The following PARP3 variants were observed in gnomAD, a reference collection of about 807,000 sequenced individuals.
PARP3 encodes the protein poly(ADP-ribose) polymerase family member 3, also known as protein mono-ADP-ribosyltransferase PARP3.
Under a neutral mutation model 58.2 loss-of-function variants are expected in PARP3, and 46 were observed. The ratio of observed to expected loss-of-function variants is 0.79; its 90% CI spans 0.62 to 1.01. PARP3 has a LOEUF of 1.01. Among genes scored for constraint, PARP3 ranks in the 50% least tolerant of loss-of-function variants. The probability of loss-of-function intolerance (pLI) is 0.00; values close to 1 mark genes in which losing one functional copy is unlikely to be tolerated. For synonymous variants in PARP3, 252 were observed against 266.4 expected, an observed-to-expected ratio of 0.95 and a Z score of 0.53; for missense variants, 663 against 683.9, an observed-to-expected ratio of 0.97 and a Z score of 0.34.
At position 51,944,956 on chromosome 3, in the gene PARP3, A is replaced by T. The variant is rs575783672; in HGVS notation, c.635-42A>T. The T allele has an allele frequency of 6.2e-7, 1 of 1,612,890 alleles. No individual in the cohort carries two copies. Among genetic ancestry groups the T allele is most frequent in the Admixed American group, 1.7e-5 (1 of 59,994 alleles). On this transcript the variant is annotated intron_variant, in intron 5 of 10. Coordinates refer to ENST00000398755, the MANE Select transcript of PARP3 (RefSeq NM_001003931.4). This position sits in a 1 kb window ranked among gnomAD's most constrained non-coding sequence, Gnocchi z 4.2. The stretch of plus-strand genomic sequence containing the variant: ...AGGGTGGCAGGGGCCTCAGGGTGGC[A>T]GGGCTGTGGGGCTGAGTCTCCCCAC...
chr3:51,945,493 A>T lies in PARP3; in HGVS notation c.862-2A>T, dbSNP rs780577814. The T allele has an allele frequency of 3.7e-6, 6 of 1,613,154 alleles. No individual in the cohort carries two copies. The Admixed American group carries it at 1.0e-4, about 27-fold the overall frequency. ...ACAAACTGCCAGGGCCCATCATCCT[A>T]GGTGCTGGCGGACATCGAGCTGGCC... On this transcript the variant is annotated splice_acceptor_variant, in intron 6 of 10. Coordinates refer to ENST00000398755, the MANE Select transcript of PARP3 (RefSeq NM_001003931.4). LOFTEE classifies it high-confidence loss of function.
rs780025809 is a variant in PARP3 at position 51,943,391 on chromosome 3, G to A, written c.36G>A (p.Glu12=). Reference sequence around the variant, plus strand: ...AGCCGAAGCCCTGGGTACAGACTGAGGGCCCTGAGAAGAAGAAGGGCCGGC... The same window carrying A: ...AGCCGAAGCCCTGGGTACAGACTGAAGGCCCTGAGAAGAAGAAGGGCCGGC... ...APKPKPWVQT[E]GPEKKKGRQA... is the part of the protein sequence containing the mutation. Residue 12 remains glutamate, a synonymous_variant, in exon 2 of 11, where the codon GAG becomes GAA. Coordinates refer to ENST00000398755, the MANE Select transcript of PARP3 (RefSeq NM_001003931.4). 3 of 1,599,636 alleles carry A rather than the reference G, an allele frequency of 1.9e-6. No homozygotes were observed. The highest frequency in any genetic ancestry group is 2.3e-5 in the South Asian group (2 of 88,738).
At position 51,942,724 on chromosome 3, in the gene PARP3, T is replaced by TCCTGC. The variant is rs759641018; in HGVS notation, c.-3+19_-3+23dup. On this transcript the variant is annotated intron_variant, in intron 1 of 10. Coordinates refer to ENST00000398755, the MANE Select transcript of PARP3 (RefSeq NM_001003931.4). The stretch of plus-strand genomic sequence containing the variant: ...CTTTTCTTGGGTGAGTGTCCTATGG[T>TCCTGC]CCTGCCCACGGCAGGGCAGGGCAAG... 1 of 1,555,552 alleles carries TCCTGC rather than the reference T, an allele frequency of 6.4e-7. No individual in the cohort carries two copies. Among genetic ancestry groups the TCCTGC allele is most frequent in the Non-Finnish European group, 8.7e-7 (1 of 1,148,530 alleles).
intron 2 of PARP3, among the ~76,000 whole-genome samples, chr3:51,943,760 C>T (rs1026340175): frequency 5.9e-5 from 9 of 152,118 alleles, no homozygotes; most frequent in South Asian, 2.1e-4. Context: ...CTCCTCCCAC[C>T]GCACTTAGGG....
At chr3:51,947,378 A>C (rs1402746290) in intron 9 of PARP3, among the ~76,000 whole-genome samples, 1 of 152,152 alleles carries the variant, frequency 6.6e-6, no homozygotes, top group Non-Finnish European at 1.5e-5. Flanking sequence ...CTTAGGAAAG[A>C]GTGGCGGGGT....
In PARP3 at chr3:51,946,391, G is replaced by T; in HGVS notation, c.1276+48G>T. On this transcript the variant is annotated intron_variant, in intron 9 of 10. Transcript: ENST00000398755. The surrounding 1 kb of genome is among the most constrained non-coding windows in gnomAD (Gnocchi z 4.6). ...GCCCTGGGAGGGTTGGCACTAAGAT[G>T]GATTGGGCCCAGTCCTTGGCCACTG... 2 of 1,474,296 alleles carry T rather than the reference G, an allele frequency of 1.4e-6. No individual in the cohort carries two copies. The highest frequency in any genetic ancestry group is 1.3e-5 in the South Asian group (1 of 77,014). The allele number at this position is 1,474,296 out of a possible 1,614,324, so 91.3% of individuals were successfully genotyped here.
Position 51,946,288 on chromosome 3 carries a change from G to A in PARP3, c.1221G>A (p.Gly407=). The change falls in exon 9 of 11, where the codon GGG becomes GGA. Residue 407 remains glycine (G), a synonymous_variant. Transcript: ENST00000398755. This position sits in a 1 kb window ranked among gnomAD's most constrained non-coding sequence, Gnocchi z 4.6. The stretch of plus-strand genomic sequence containing the variant: ...TCCGCATCATGCCACATTCTGGTGG[G>A]CGTGTTGGCAAGGGCATCTACTTTG... ...SGLRIMPHSG[G]RVGKGIYFAS... is the part of the protein sequence containing the mutation. 1.2e-6 allele frequency: 2 copies of A among 1,613,948 alleles called. No homozygotes were observed. The highest frequency in any genetic ancestry group is 1.7e-6 in the Non-Finnish European group (2 of 1,179,920).
At chr3:51,942,940 C>T (rs1171241058) in intron 1 of PARP3, 2 of 1,411,560 alleles carry the variant, frequency 1.4e-6, no homozygotes, top group East Asian at 2.6e-5. Flanking sequence ...CTCGGTGACT[C>T]GGCCCGGCAA....
chr3:51,943,346 C>A lies in PARP3; in HGVS notation c.-2-8C>A. On this transcript the variant is annotated splice_polypyrimidine_tract_variant and splice_region_variant and intron_variant, in intron 1 of 10. Coordinates refer to ENST00000398755, the MANE Select transcript of PARP3 (RefSeq NM_001003931.4). ...GAGGCCTAAGGGCCTCTCTGTGCCC[C>A]AGGACAGCCATGGCTCCAAAGCCGA... The A allele has an allele frequency of 6.4e-7, 1 of 1,561,560 alleles. No homozygotes were observed. The highest frequency in any genetic ancestry group is 1.4e-5 in the African/African-American group (1 of 73,642).
Position 51,946,353 on chromosome 3 carries a change from C to G in PARP3, c.1276+10C>G. 1 of 1,588,910 alleles carries G rather than the reference C, an allele frequency of 6.3e-7. No individual in the cohort carries two copies. Among genetic ancestry groups the G allele is most frequent in the South Asian group, 1.2e-5 (1 of 86,604 alleles). The stretch of plus-strand genomic sequence containing the variant: ...AAGTCAGCTGGATATGGTGAGGTGC[C>G]CCTCTGGGCCAAGCCCTGGGAGGGT... On this transcript the variant is annotated intron_variant, in intron 9 of 10. Coordinates refer to ENST00000398755, the MANE Select transcript of PARP3 (RefSeq NM_001003931.4). This position sits in a 1 kb window ranked among gnomAD's most constrained non-coding sequence, Gnocchi z 4.6.
chr3:51,945,740 C>T (rs944384389), intron 7 of PARP3, 96 bp downstream of exon 7: 3 of 1,532,928 alleles, frequency 2.0e-6, no homozygotes, highest in Non-Finnish European at 9.0e-7. Flanking sequence ...CGCCCTCAGC[C>T]TTCTCTTCCT....
chr3:51,943,436 C>G lies in PARP3; in HGVS notation c.81C>G (p.Asp27Glu). The G allele has an allele frequency of 6.2e-7, 1 of 1,606,994 alleles. No individual in the cohort carries two copies. Among genetic ancestry groups the G allele is most frequent in the East Asian group, 2.2e-5 (1 of 44,626 alleles). The part of the protein sequence containing the change: ...KKGRQAGREE[D>E]PFRSTAEALK... ...GCCGGCAGGCAGGAAGGGAGGAGGACCCCTTCCGCTCCACCGCTGAGGCCC... is the reference window on the plus strand; with the variant it reads ...GCCGGCAGGCAGGAAGGGAGGAGGAGCCCTTCCGCTCCACCGCTGAGGCCC... Residue 27 changes from aspartate to glutamate, a missense_variant, in exon 2 of 11, where the codon GAC (aspartate) becomes GAG (glutamate). This residue lies in a region of PARP3 where 567 missense variants were observed against 553.6 expected (regional missense o/e 1.02). Coordinates refer to ENST00000398755, the MANE Select transcript of PARP3 (RefSeq NM_001003931.4).
chr3:51,944,758 C>T lies in PARP3; in HGVS notation c.502-20C>T. The T allele has an allele frequency of 6.2e-7, 1 of 1,600,284 alleles. No individual in the cohort carries two copies. The highest frequency in any genetic ancestry group is 1.1e-5 in the South Asian group (1 of 89,722). On this transcript the variant is annotated intron_variant, in intron 4 of 10. Transcript: ENST00000398755. This position sits in a 1 kb window ranked among gnomAD's most constrained non-coding sequence, Gnocchi z 4.2. ...CGCCCTGCCCCGCTGCTCCTGCCCA[C>T]ATGTGCCCTCTATCTTCAGGTGGAC...
chr3:51,944,964 G>A lies in PARP3; in HGVS notation c.635-34G>A, dbSNP rs1276195356. The A allele has an allele frequency of 4.6e-5, 74 of 1,612,972 alleles. No individual in the cohort carries two copies. The highest frequency in any genetic ancestry group is 6.2e-5 in the Non-Finnish European group (73 of 1,179,664). On this transcript the variant is annotated intron_variant, in intron 5 of 10. Coordinates refer to ENST00000398755, the MANE Select transcript of PARP3 (RefSeq NM_001003931.4). This position sits in a 1 kb window ranked among gnomAD's most constrained non-coding sequence, Gnocchi z 4.2. ...AGGGGCCTCAGGGTGGCAGGGCTGT[G>A]GGGCTGAGTCTCCCCACTCCCCTGT...
chr3:51,948,236 T>G, intron 10 of PARP3, 75 bp from the exon 11 acceptor site: 1 of 1,403,304 alleles, frequency 7.1e-7, no homozygotes, highest in Non-Finnish European at 9.8e-7. Context: ...ATGGAGAGCA[T>G]AGGGGGCAGG....
In PARP3 at chr3:51,944,496, G is replaced by C. The variant is rs761611493; in HGVS notation, c.419G>C (p.Arg140Pro). 2 of 1,614,050 alleles carry C rather than the reference G, an allele frequency of 1.2e-6. No homozygotes were observed. The highest frequency in any genetic ancestry group is 2.7e-5 in the African/African-American group (2 of 74,928). ...AAGACCAAGAACAACTGGGCAGAGC[G>C]GGACCACTTTGTGTCTCACCCGGGC... ...REKTKNNWAERDHFVSHPGKY... is the reference protein window; with the variant it reads ...REKTKNNWAEPDHFVSHPGKY... The change falls in exon 4 of 11, where the codon CGG becomes CCG. Residue 140 changes from arginine (R) to proline (P), a missense_variant. This residue lies in a region of PARP3 where 567 missense variants were observed against 553.6 expected (regional missense o/e 1.02). Transcript: ENST00000398755. This position sits in a 1 kb window ranked among gnomAD's most constrained non-coding sequence, Gnocchi z 4.2.
chr3:51,945,175 C>T lies in PARP3; in HGVS notation c.812C>T (p.Pro271Leu), dbSNP rs752698881. The T allele has an allele frequency of 1.7e-5, 28 of 1,614,030 alleles. No homozygotes were observed. The East Asian group carries it at 3.3e-4, about 19-fold the overall frequency. The change falls in exon 6 of 11, where the codon CCG (proline) becomes CTG (leucine). Residue 271 changes from proline to leucine, a missense_variant. Pro to Leu is a moderately conservative substitution (Grantham distance 98). Around this residue, in one of 3 missense-constraint regions of PARP3, gnomAD observed 567 missense variants for 553.6 expected, o/e 1.02. Transcript: ENST00000398755. The stretch of plus-strand genomic sequence containing the variant: ...CACAACTTCGGCCACAGCCAGCCCC[C>T]GCCCATCAATTCCCCTGAGCTTCTG... ...IPHNFGHSQP[P>L]PINSPELLQA...
At chr3:51,945,764 C>T in intron 7 of PARP3, 89 bp from the exon 8 acceptor site, 6 of 1,522,642 alleles carry the variant, frequency 3.9e-6, no homozygotes, top group Non-Finnish European at 5.5e-6. Context: ...TCTCCAGGGC[C>T]TGAGGAGGGC....
chr3:51,947,508 C>A, intron 9 of PARP3: 1 of 550,472 alleles, frequency 1.8e-6, no homozygotes, highest in Non-Finnish European at 3.2e-6. Flanking sequence ...CACTGGGAGG[C>A]CATTGCTGAC....
Sources: allele counts gnomAD v4.1 joint callset (sites outside exome capture counted in the v4.1 genomes callset), GRCh38; gene constraint gnomAD v4.1.1; regional missense constraint gnomAD v4.1.1; non-coding constraint Gnocchi (gnomAD v3.1); transcripts MANE v1.5; gene names NCBI Gene and HGNC (gene_info 2026-07-23, HGNC 2026-07-21).